Variants in SGMS2 observed in about 807,000 individuals in gnomAD.
SGMS2 encodes sphingomyelin synthase 2, also known as phosphatidylcholine:ceramide cholinephosphotransferase 2.
In SGMS2, 21 loss-of-function variants were observed where a neutral mutation model predicts 43.8. That is an observed-to-expected ratio of 0.48 (90% CI 0.34 to 0.69). SGMS2 has a LOEUF of 0.69. Ranked by LOEUF, SGMS2 falls within the 30% of genes least tolerant of loss-of-function variation. The pLI is 0.01. For synonymous variants in SGMS2, 167 were observed against 160.6 expected (o/e 1.04, Z -0.30); for missense variants, 384 against 443.2 (o/e 0.87, Z 1.20).
chr4:107,897,634 A>G (rs987371840), intron 3 of SGMS2, among the ~76,000 whole-genome samples: 1 of 152,166 alleles, frequency 6.6e-6, no homozygotes, highest in African/African-American at 2.4e-5. Flanking sequence ...GTTATTATTA[A>G]CTGCCTCTAC....
At chr4:107,899,175 A>G (rs1191504302) in intron 3 of SGMS2, among the ~76,000 whole-genome samples, 3 of 152,108 alleles carry the variant, frequency 2.0e-5, no homozygotes, top group Admixed American at 2.0e-4. Context: ...TATTCCTTTC[A>G]TATGTTCTCA....
At chr4:107,874,461 C>T (rs536340076) in intron 2 of SGMS2, among the ~76,000 whole-genome samples, 3 of 152,166 alleles carry the variant, frequency 2.0e-5, no homozygotes, top group Admixed American at 6.5e-5. Context: ...GAGCTAGCAA[C>T]ATAGGGATTT....
At chr4:107,842,983 A>T (rs1045430352) in intron 1 of SGMS2, among the ~76,000 whole-genome samples, 1 of 152,212 alleles carries the variant, frequency 6.6e-6, no homozygotes, top group Non-Finnish European at 1.5e-5. Flanking sequence ...ATTAGTCGCT[A>T]CATTTCGTTT....
Position 107,899,672 on chromosome 4 carries a change from C to A in SGMS2, c.553C>A (p.His185Asn). ...TACTACTCTACCTGTGCCTGGAATGCATTTCCAGTGTGCTCCAAAGGTCAG... is the reference window on the plus strand; with the variant it reads ...TACTACTCTACCTGTGCCTGGAATGAATTTCCAGTGTGCTCCAAAGGTCAG... ...YVTTLPVPGMHFQCAPKLNGD... is the reference protein window; with the variant it reads ...YVTTLPVPGMNFQCAPKLNGD... Residue 185 changes from histidine (H) to asparagine (N), a missense_variant, in exon 4 of 7, where the codon CAT (histidine) becomes AAT (asparagine). Coordinates refer to ENST00000690982, the MANE Select transcript of SGMS2 (RefSeq NM_001375905.1). The A allele has an allele frequency of 6.2e-7, 1 of 1,611,804 alleles. No homozygotes were observed. The highest frequency in any genetic ancestry group is 8.5e-7 in the Non-Finnish European group (1 of 1,178,720).
At chr4:107,903,509 GTATATATGTA>G in intron 5 of SGMS2, 123 bp downstream of exon 5, 1 of 787,064 alleles carries the variant, frequency 1.3e-6, no homozygotes, top group Non-Finnish European at 2.0e-6. Flanking sequence ...GGATGTGTGT[GTATATATGTA>G]TGTGAATGTG....
chr4:107,861,633 A>G (rs916669445), intron 2 of SGMS2, among the ~76,000 whole-genome samples: 1 of 152,210 alleles, frequency 6.6e-6, no homozygotes, highest in Admixed American at 6.5e-5. Context: ...GGAATTCAAG[A>G]ATTTTTTAAT....
At chr4:107,873,013 A>G (rs541821646) in intron 2 of SGMS2, among the ~76,000 whole-genome samples, 1 of 152,308 alleles carries the variant, frequency 6.6e-6, no homozygotes, top group South Asian at 2.1e-4. Context: ...ATTTACAAAG[A>G]GATTCTCAAA....
chr4:107,856,230 ACTT>A (rs1480549872), intron 1 of SGMS2, among the ~76,000 whole-genome samples: 1 of 152,218 alleles, frequency 6.6e-6, no homozygotes, highest in Non-Finnish European at 1.5e-5. Flanking sequence ...TTCTACATAT[ACTT>A]TAAAATAAAT....
chr4:107,863,771 A>T (rs1727915578), intron 2 of SGMS2: 1 of 152,238 alleles, frequency 6.6e-6, no homozygotes, highest in Non-Finnish European at 1.5e-5. Flanking sequence ...AAATGCAGTC[A>T]CAAAAAGTAA....
intron 1 of SGMS2, among the ~76,000 whole-genome samples, chr4:107,851,488 C>G (rs28577142): frequency 2.3e-3 from 346 of 152,306 alleles, no homozygotes; most frequent in African/African-American, 8.0e-3. Flanking sequence ...AGGGCACTGC[C>G]TAACCTGGAT....
At position 107,870,088 on chromosome 4, in the gene SGMS2, G is replaced by T. The variant is rs1376433564; in HGVS notation, c.-245+11535G>T. On this transcript the variant is annotated intron_variant, in intron 2 of 6. Transcript: ENST00000690982. ...TCTATTTTCTCAATACTTTTACGTT[G>T]TACTCTAGTTGTAAAAGTACTGGTG... Among the ~76,000 whole-genome samples the T allele has an allele frequency of 2.0e-5, 3 of 152,120 alleles. No individual in the cohort carries two copies. In the East Asian group the frequency reaches 5.8e-4, roughly 29 times the overall value.
chr4:107,896,705 T>G, intron 3 of SGMS2, among the ~76,000 whole-genome samples: 1 of 152,190 alleles, frequency 6.6e-6, no homozygotes, highest in Non-Finnish European at 1.5e-5. Flanking sequence ...ATTTTTGGAA[T>G]AGTAGGAAAT....
intron 2 of SGMS2, among the ~76,000 whole-genome samples, chr4:107,883,123 A>C (rs1391837255): frequency 6.6e-6 from 1 of 152,154 alleles, no homozygotes; most frequent in Non-Finnish European, 1.5e-5. Flanking sequence ...ACTGGAACCC[A>C]TGTCTATGCT....
rs949980303 is a variant in SGMS2 at position 107,911,712 on chromosome 4, A to C, written c.*1159A>C. The C allele has an allele frequency of 1.3e-5, 2 of 152,196 alleles. No homozygotes were observed. The highest frequency in any genetic ancestry group is 2.9e-5 in the Non-Finnish European group (2 of 68,036). The allele number at this position is 152,196 out of a possible 1,614,324, so 9.4% of individuals were successfully genotyped here. A position where few individuals can be genotyped will look rare whatever the true frequency, so the allele number is the denominator to read the frequency against. The stretch of plus-strand genomic sequence containing the variant: ...CCCTATGAAAATAACATGGTGCTGC[A>C]CTATAATATACTCTCGGAATCAGTG... On this transcript the variant is annotated 3_prime_UTR_variant, in exon 7 of 7. Transcript: ENST00000690982.
At chr4:107,891,613 T>G (rs1466382705) in intron 2 of SGMS2, among the ~76,000 whole-genome samples, 2 of 152,122 alleles carry the variant, frequency 1.3e-5, no homozygotes, top group Non-Finnish European at 2.9e-5. Flanking sequence ...AAAGAAGAAC[T>G]TTCTCCTGCA....
intron 4 of SGMS2, among the ~76,000 whole-genome samples, chr4:107,902,612 G>T (rs372749599): frequency 4.6e-5 from 7 of 152,138 alleles, no homozygotes; most frequent in African/African-American, 1.7e-4. Context: ...GCCTCCTGCC[G>T]TAGCACACAG....
intron 2 of SGMS2, among the ~76,000 whole-genome samples, chr4:107,888,545 A>T (rs1307094526): frequency 6.6e-6 from 1 of 152,108 alleles, no homozygotes; most frequent in Non-Finnish European, 1.5e-5. Context: ...CTCTCGTATG[A>T]AGAATCTCAT....
intron 2 of SGMS2, among the ~76,000 whole-genome samples, chr4:107,876,088 G>A (rs1344621021): frequency 2.0e-5 from 3 of 152,170 alleles, no homozygotes; most frequent in African/African-American, 4.8e-5. Context: ...TCTAGGAAAT[G>A]TGCCCCTAAA....
At chr4:107,879,653 G>C (rs548134721) in intron 2 of SGMS2, among the ~76,000 whole-genome samples, 110 of 152,014 alleles carry the variant, frequency 7.2e-4, no homozygotes, top group African/African-American at 2.5e-3. Flanking sequence ...GGAGAGACAG[G>C]GTTTTGTCAT....
Sources: gnomAD v4.1 joint callset for allele counts (sites outside exome capture counted in the v4.1 genomes callset) on GRCh38, gnomAD v4.1.1 for gene constraint, MANE v1.5 for transcripts, NCBI Gene and HGNC (gene_info 2026-07-23, HGNC 2026-07-21) for gene names.